MTMR7: variants seen among roughly 807,000 people sequenced by gnomAD.
The protein encoded by MTMR7 is myotubularin related protein 7.
In MTMR7, 76 loss-of-function variants were observed where a neutral mutation model predicts 81.2. That is an observed-to-expected ratio of 0.94 (90% confidence interval 0.78 to 1.13). MTMR7 has a LOEUF of 1.13. MTMR7 is among the 50% of genes most tolerant of loss of function. The pLI is 0.00. For synonymous variants in MTMR7, 372 were observed against 289.8 expected, an observed-to-expected ratio of 1.28 and a Z score of -2.88; for missense variants, 1,044 against 820.0, an observed-to-expected ratio of 1.27 and a Z score of -3.34.
intron 1 of MTMR7, among the ~76,000 whole-genome samples, chr8:17,400,019 T>C (rs1259109389): frequency 2.6e-5 from 4 of 152,196 alleles, no homozygotes; most frequent in African/African-American, 9.6e-5. Flanking sequence ...GTTTGTATGC[T>C]TTTCTCTAGG....
At chr8:17,338,426 C>A (rs188012588) in intron 6 of MTMR7, among the ~76,000 whole-genome samples, 95 of 152,234 alleles carry the variant, frequency 6.2e-4, no homozygotes, top group Non-Finnish European at 1.0e-3. Flanking sequence ...CTGAAAAAAA[C>A]AGGGTAAGAA....
rs191764692 is a variant in MTMR7 at position 17,304,634 on chromosome 8, G to A, written c.1353-115C>T. 61 of 1,045,900 alleles carry A rather than the reference G, an allele frequency of 5.8e-5. No individual in the cohort carries two copies. In the Admixed American group the frequency reaches 8.2e-4, roughly 14 times the overall value. 64.8% of individuals were successfully genotyped at this position (1,045,900 alleles called of 1,614,324 possible). Reference sequence around the variant, plus strand: ...ATTGTTACCTGAAAACCACGTGTCTGTTCGATAGCAGGTAAATGTATCATC... The same window carrying A: ...ATTGTTACCTGAAAACCACGTGTCTATTCGATAGCAGGTAAATGTATCATC... On this transcript the variant is annotated intron_variant, in intron 11 of 13. Transcript: ENST00000180173.
chr8:17,341,647 C>G, intron 5 of MTMR7, 150 bp from the exon 6 acceptor site: 1 of 1,019,112 alleles, frequency 9.8e-7, no homozygotes, highest in African/African-American at 1.6e-5. Context: ...GGAAATCAAG[C>G]CTTGTTTATT....
rs373989627 is a variant in MTMR7 at position 17,354,445 on chromosome 8, T to TA, written c.469-5365dup. ...AATAAAGACAATTTCAAGGGTTAGGTAAAAAAAGAAATCTGAGCTTAGAGA... is the reference window on the plus strand; with the variant it reads ...AATAAAGACAATTTCAAGGGTTAGGTAAAAAAAAGAAATCTGAGCTTAGAGA... On this transcript the variant is annotated intron_variant, in intron 4 of 13. Transcript: ENST00000180173. 4.8e-3 allele frequency among the ~76,000 whole-genome samples: 734 copies of TA among 152,124 alleles called. 8 individuals are homozygous for TA. Among genetic ancestry groups the TA allele is most frequent in the African/African-American group, 0.017 (692 of 41,514 alleles).
chr8:17,335,148 T>C (rs531506211), intron 6 of MTMR7, among the ~76,000 whole-genome samples: 21 of 151,912 alleles, frequency 1.4e-4, no homozygotes, highest in African/African-American at 4.6e-4. Flanking sequence ...TGCACAGGAA[T>C]AAGGAGCGAG....
intron 9 of MTMR7, among the ~76,000 whole-genome samples, chr8:17,311,008 A>G (rs959882325): frequency 2.6e-5 from 4 of 152,192 alleles, no homozygotes; most frequent in Non-Finnish European, 5.9e-5. Flanking sequence ...GCAAAGAACA[A>G]CAACAAAAGG....
At chr8:17,412,561 T>C (rs1234126546) in intron 1 of MTMR7, among the ~76,000 whole-genome samples, 2 of 152,178 alleles carry the variant, frequency 1.3e-5, no homozygotes, top group African/African-American at 4.8e-5. Flanking sequence ...CAATGTTAAT[T>C]TACTGGAGTG....
intron 5 of MTMR7, among the ~76,000 whole-genome samples, chr8:17,348,353 C>T (rs1486158061): frequency 6.6e-6 from 1 of 151,436 alleles, no homozygotes; most frequent in Non-Finnish European, 1.5e-5. Flanking sequence ...CCCTGGCCAA[C>T]ATGGTGAAAC....
Position 17,378,898 on chromosome 8 carries a change from A to T in MTMR7, c.25-5658T>A, listed in dbSNP as rs184766111. ...ATGTGATAAATTTAGTCTTTAGCAC[A>T]TAAAAGATAATAATTGAAGCCATGG... On this transcript the variant is annotated intron_variant, in intron 1 of 13. Transcript: ENST00000180173. Among the ~76,000 whole-genome samples, 16 of 152,316 alleles carry T rather than the reference A, an allele frequency of 1.1e-4. No homozygotes were observed. The East Asian group carries it at 3.1e-3, about 29-fold the overall frequency.
chr8:17,351,024 T>C (rs7011504), intron 4 of MTMR7, among the ~76,000 whole-genome samples: 26,865 of 152,138 alleles, frequency 0.18, 4,075 homozygotes, highest in East Asian at 0.64. Context: ...GCCAATCTGG[T>C]GTCTGAACCT....
intron 1 of MTMR7, among the ~76,000 whole-genome samples, chr8:17,374,070 C>CT (rs1455840557): frequency 6.6e-6 from 1 of 152,240 alleles, no homozygotes; most frequent in East Asian, 1.9e-4. Flanking sequence ...CACAGCAATC[C>CT]TACCACTGCC....
At chr8:17,381,856 A>T (rs932190776) in intron 1 of MTMR7, among the ~76,000 whole-genome samples, 1 of 152,212 alleles carries the variant, frequency 6.6e-6, no homozygotes, top group African/African-American at 2.4e-5. Flanking sequence ...TGAAAAGAAA[A>T]GTATTTGTGA....
In MTMR7 at chr8:17,380,958, A is replaced by G. The variant is rs567121239; in HGVS notation, c.25-7718T>C. On this transcript the variant is annotated intron_variant, in intron 1 of 13. Coordinates refer to ENST00000180173, the MANE Select transcript of MTMR7 (RefSeq NM_004686.5). ...GCTTGGCAATGGATACAAGAGCCCA[A>G]AGATTGACACTAGCAGACTTCGGGT... Among the ~76,000 whole-genome samples, 5 of 152,310 alleles carry G rather than the reference A, an allele frequency of 3.3e-5. No homozygotes were observed. In the South Asian group the frequency reaches 1.0e-3, roughly 32 times the overall value.
intron 3 of MTMR7, among the ~76,000 whole-genome samples, chr8:17,367,813 A>C (rs1045147284): frequency 3.3e-5 from 5 of 151,852 alleles, no homozygotes; most frequent in African/African-American, 1.2e-4. Context: ...TAACAGCTGG[A>C]AACTTTTCTC....
chr8:17,412,618 A>G (rs1276577857), intron 1 of MTMR7, among the ~76,000 whole-genome samples: 1 of 152,226 alleles, frequency 6.6e-6, no homozygotes, highest in Admixed American at 6.5e-5. Flanking sequence ...TGGTGTTGTT[A>G]AAACACAACA....
At chr8:17,336,935 G>A (rs1819258705) in intron 6 of MTMR7, among the ~76,000 whole-genome samples, 1 of 152,184 alleles carries the variant, frequency 6.6e-6, no homozygotes, top group Non-Finnish European at 1.5e-5. Context: ...GGTTAGATAA[G>A]CCTGGATGTG....
At chr8:17,359,849 T>A (rs1161497708) in intron 4 of MTMR7, among the ~76,000 whole-genome samples, 1 of 152,140 alleles carries the variant, frequency 6.6e-6, no homozygotes, top group Non-Finnish European at 1.5e-5. Flanking sequence ...CATTCACAAT[T>A]GAGAATTCAT....
In MTMR7 at chr8:17,331,140, A is replaced by T; in HGVS notation, c.865+10T>A. 1 of 1,609,278 alleles carries T rather than the reference A, an allele frequency of 6.2e-7. No homozygotes were observed. The highest frequency in any genetic ancestry group is 1.1e-5 in the South Asian group (1 of 89,868). On this transcript the variant is annotated intron_variant, in intron 7 of 13. Coordinates refer to ENST00000180173, the MANE Select transcript of MTMR7 (RefSeq NM_004686.5). ...TGCATTTTAATGCTGTGCATAAGGA[A>T]ATGGTTTACCTTCCAGCATTTTCTG...
At chr8:17,389,423 G>C (rs1821039498) in intron 1 of MTMR7, among the ~76,000 whole-genome samples, 2 of 152,202 alleles carry the variant, frequency 1.3e-5, no homozygotes, top group South Asian at 2.1e-4. Flanking sequence ...GAAAGGAAAA[G>C]AGACACACGG....
Sources: allele counts gnomAD v4.1 joint callset (sites outside exome capture counted in the v4.1 genomes callset), GRCh38; gene constraint gnomAD v4.1.1; transcripts MANE v1.5; gene names NCBI Gene and HGNC (gene_info 2026-07-23, HGNC 2026-07-21).